Variants in GRIK2 observed in about 807,000 individuals in gnomAD.
GRIK2 encodes glutamate ionotropic receptor kainate type subunit 2, also known as glutamate receptor ionotropic, kainate 2.
In GRIK2, 32 loss-of-function variants were observed where a neutral mutation model predicts 100.3. The ratio of observed to expected loss-of-function variants is 0.32; its 90% CI spans 0.24 to 0.43. The LOEUF is 0.43. GRIK2 is among the 20% of genes least tolerant of loss of function. The pLI is 1.00. For synonymous variants in GRIK2, 417 were observed against 389.4 expected (o/e 1.07, Z -0.83); for missense variants, 843 against 1,114.9 (o/e 0.76, Z 3.47).
intron 7 of GRIK2, among the ~76,000 whole-genome samples, chr6:101,763,727 G>A (rs1316680640): frequency 6.6e-6 from 1 of 152,074 alleles, no homozygotes; most frequent in Non-Finnish European, 1.5e-5. Context: ...TTTAAAATAT[G>A]TTAGATATTT....
chr6:101,847,483 T>C (rs1783878820), intron 10 of GRIK2, among the ~76,000 whole-genome samples: 1 of 152,208 alleles, frequency 6.6e-6, no homozygotes, highest in Non-Finnish European at 1.5e-5. Context: ...GTAAAGTCTG[T>C]ATTTTTTGTT....
intron 2 of GRIK2, among the ~76,000 whole-genome samples, chr6:101,563,452 G>A (rs1294320256): frequency 6.6e-6 from 1 of 152,100 alleles, no homozygotes; most frequent in Non-Finnish European, 1.5e-5. Flanking sequence ...GTACCATGTA[G>A]AGCATTCATT....
At chr6:101,410,342 A>G (rs977966762) in intron 2 of GRIK2, among the ~76,000 whole-genome samples, 1 of 152,126 alleles carries the variant, frequency 6.6e-6, no homozygotes, top group Non-Finnish European at 1.5e-5. Context: ...GGAAAGTTTC[A>G]TAAACACTTG....
chr6:101,817,536 G>A (rs1194870307), intron 9 of GRIK2, among the ~76,000 whole-genome samples: 1 of 152,152 alleles, frequency 6.6e-6, no homozygotes, highest in Non-Finnish European at 1.5e-5. Context: ...CTTCCTTGCT[G>A]CTGATCATTG....
chr6:101,777,008 A>G (rs921543490), intron 7 of GRIK2, among the ~76,000 whole-genome samples: 8 of 152,162 alleles, frequency 5.3e-5, no homozygotes, highest in Non-Finnish European at 1.2e-4. Context: ...TCATCGTCCA[A>G]CACCTGCCTA....
At chr6:101,432,397 G>A (rs1033336015) in intron 2 of GRIK2, among the ~76,000 whole-genome samples, 21 of 151,972 alleles carry the variant, frequency 1.4e-4, no homozygotes, top group African/African-American at 5.1e-4. Context: ...AGTTATTTTG[G>A]TAAACTAATT....
At chr6:101,688,751 C>A (rs569023964) in intron 7 of GRIK2, among the ~76,000 whole-genome samples, 1 of 152,000 alleles carries the variant, frequency 6.6e-6, no homozygotes, top group South Asian at 2.1e-4. Context: ...CCATGCAATT[C>A]TCTTTCCTTT....
In GRIK2 at chr6:101,728,471, G is replaced by A. The variant is rs150230762; in HGVS notation, c.951+42118G>A. 1.1e-3 allele frequency among the ~76,000 whole-genome samples: 163 copies of A among 152,108 alleles called. 2 individuals are homozygous for A. The highest frequency in any genetic ancestry group is 3.4e-3 in the Middle Eastern group (1 of 294). ...AATTTGCAGCTGTATCTCTGACATC[G>A]TGACATTTATTTTAAAAAGAGAAAA... On this transcript the variant is annotated intron_variant, in intron 7 of 16. Transcript: ENST00000369134.
At chr6:101,663,027 A>G (rs1769746497) in intron 4 of GRIK2, among the ~76,000 whole-genome samples, 2 of 152,116 alleles carry the variant, frequency 1.3e-5, no homozygotes, top group African/African-American at 4.8e-5. Flanking sequence ...ATAAAATAAA[A>G]CCTGAGATTC....
chr6:101,595,718 G>GTATATATATATATA (rs370175425), intron 2 of GRIK2, among the ~76,000 whole-genome samples: 3 of 122,328 alleles, frequency 2.5e-5, no homozygotes, highest in African/African-American at 9.5e-5. Context: ...GTGTGTGTGT[G>GTATATATATATATA]TATATATATA....
At position 101,769,519 on chromosome 6, in the gene GRIK2, G is replaced by A. The variant is rs763169023; in HGVS notation, c.952-30129G>A. ...TGAGCTTCATTGGACATACTCAGGT[G>A]CTATGATAGCTATTTGAGTAAATGT... On this transcript the variant is annotated intron_variant, in intron 7 of 16. Transcript: ENST00000369134. Among the ~76,000 whole-genome samples the A allele has an allele frequency of 2.0e-4, 31 of 152,102 alleles. 1 individual carries two copies. The highest frequency in any genetic ancestry group is 1.2e-4 in the Non-Finnish European group (8 of 68,014).
intron 7 of GRIK2, among the ~76,000 whole-genome samples, chr6:101,764,039 C>T (rs935252580): frequency 1.3e-5 from 2 of 152,054 alleles, no homozygotes; most frequent in Non-Finnish European, 2.9e-5. Context: ...GGTTTTAAAT[C>T]CTGTATTTTG....
At chr6:102,052,196 G>A (rs961121121) in intron 15 of GRIK2, among the ~76,000 whole-genome samples, 1 of 152,080 alleles carries the variant, frequency 6.6e-6, no homozygotes. Context: ...ATCAAATTAT[G>A]TATCAAATAA....
chr6:101,729,113 G>C (rs772899990), intron 7 of GRIK2, among the ~76,000 whole-genome samples: 3 of 152,016 alleles, frequency 2.0e-5, no homozygotes, highest in African/African-American at 4.8e-5. Flanking sequence ...GGAATGCACT[G>C]TAATTCTGGC....
chr6:102,045,634 TTATC>T (rs1770846418), intron 15 of GRIK2, among the ~76,000 whole-genome samples: 1 of 151,918 alleles, frequency 6.6e-6, no homozygotes. Context: ...TAATAAATAA[TTATC>T]TAATAATGCA....
intron 10 of GRIK2, among the ~76,000 whole-genome samples, chr6:101,833,187 A>C (rs945538069): frequency 2.6e-5 from 4 of 151,934 alleles, no homozygotes; most frequent in Non-Finnish European, 4.4e-5. Flanking sequence ...TTTGGTGAGA[A>C]CTTTACTCTT....
intron 2 of GRIK2, among the ~76,000 whole-genome samples, chr6:101,518,307 T>C (rs1229416281): frequency 6.6e-6 from 1 of 152,172 alleles, no homozygotes; most frequent in Non-Finnish European, 1.5e-5. Context: ...AGTACTTTCC[T>C]TAGTTAAAAA....
chr6:101,748,321 A>G (rs981306933), intron 7 of GRIK2, among the ~76,000 whole-genome samples: 3 of 152,174 alleles, frequency 2.0e-5, no homozygotes, highest in Non-Finnish European at 4.4e-5. Context: ...TTAGCACAAA[A>G]CAGATAATTA....
chr6:101,927,053 C>T (rs747163934), intron 13 of GRIK2, among the ~76,000 whole-genome samples: 4 of 152,108 alleles, frequency 2.6e-5, no homozygotes, highest in Non-Finnish European at 5.9e-5. Flanking sequence ...GGAGCAACTA[C>T]ATCAGAAAGG....
Sources: allele counts gnomAD v4.1 joint callset (sites outside exome capture counted in the v4.1 genomes callset), GRCh38; gene constraint gnomAD v4.1.1; transcripts MANE v1.5; gene names NCBI Gene and HGNC (gene_info 2026-07-23, HGNC 2026-07-21).